Variants in COL6A2 observed in about 807,000 individuals in gnomAD.
COL6A2 encodes collagen alpha-2(VI) chain.
In COL6A2, 90 loss-of-function variants were observed where a neutral mutation model predicts 124.9. That is an observed-to-expected ratio of 0.72 (90% CI 0.61 to 0.86). The LOEUF is 0.86. Ranked by LOEUF, COL6A2 falls within the 40% of genes least tolerant of loss-of-function variation. The pLI, the probability that COL6A2 is intolerant of heterozygous loss-of-function variation, is 0.00. For synonymous variants in COL6A2, 793 were observed against 618.2 expected (o/e 1.28, Z -4.19); for missense variants, 1,607 against 1,502.5 (o/e 1.07, Z -1.15).
chr21:46,103,521 T>C (rs1379851449), intron 1 of COL6A2, among the ~76,000 whole-genome samples: 2 of 152,214 alleles, frequency 1.3e-5, no homozygotes, highest in Admixed American at 1.3e-4. Context: ...AGACCTGTCT[T>C]TTTTAATATA....
intron 22 of COL6A2, 79 bp from the exon 23 acceptor site, chr21:46,124,806 A>C: frequency 6.3e-7 from 1 of 1,598,142 alleles, no homozygotes; most frequent in Non-Finnish European, 8.6e-7. Flanking sequence ...GGACCCACGT[A>C]TCAGTGGGCA....
At position 46,128,629 on chromosome 21, in the gene COL6A2, G is replaced by T. The variant is rs528995969; in HGVS notation, c.2461+2088G>T. On this transcript the variant is annotated intron_variant, in intron 27 of 27. Transcript: ENST00000300527. ...AACCAGACGCAGCTGAAGGCAGTCAGGGCAGGGCGCAATCAGCGATAAGAG... is the reference window on the plus strand; with the variant it reads ...AACCAGACGCAGCTGAAGGCAGTCATGGCAGGGCGCAATCAGCGATAAGAG... Among the ~76,000 whole-genome samples the T allele has an allele frequency of 1.7e-4, 26 of 152,360 alleles. No homozygotes were observed. In the South Asian group the frequency reaches 5.0e-3, roughly 29 times the overall value.
At chr21:46,109,656 C>T (rs1207464957) in intron 1 of COL6A2, among the ~76,000 whole-genome samples, 2 of 152,318 alleles carry the variant, frequency 1.3e-5, no homozygotes, top group African/African-American at 4.8e-5. Context: ...GCCAAGTCAG[C>T]AGGGGGCTGG....
chr21:46,104,872 C>G (rs2078320970), intron 1 of COL6A2, among the ~76,000 whole-genome samples: 1 of 152,164 alleles, frequency 6.6e-6, no homozygotes, highest in South Asian at 2.1e-4. Flanking sequence ...GGCAGTGGGC[C>G]AATATATCCA....
rs113828929 is a variant in COL6A2 at position 46,126,238 on chromosome 21, G to C, written c.2422+1G>C. 6 of 1,598,592 alleles carry C rather than the reference G, an allele frequency of 3.8e-6. No individual in the cohort carries two copies. The highest frequency in any genetic ancestry group is 4.2e-6 in the Non-Finnish European group (5 of 1,178,718). On this transcript the variant is annotated splice_donor_variant, in intron 26 of 27. Coordinates refer to ENST00000300527, the MANE Select transcript of COL6A2 (RefSeq NM_001849.4). LOFTEE classifies it high-confidence loss of function. ...GACATGGAGGACGTCCTCTGCCCGGGTGAGCGTGTGGGCGCGGGGCAGTCG... is the reference window on the plus strand; with the variant it reads ...GACATGGAGGACGTCCTCTGCCCGGCTGAGCGTGTGGGCGCGGGGCAGTCG...
intron 27 of COL6A2, among the ~76,000 whole-genome samples, chr21:46,130,548 G>A (rs1368827230): frequency 6.6e-6 from 1 of 152,028 alleles, no homozygotes; most frequent in African/African-American, 2.4e-5. Context: ...CTCCACAGGA[G>A]GAGGAGAGCA....
At chr21:46,109,428 T>C (rs2078370873) in intron 1 of COL6A2, among the ~76,000 whole-genome samples, 1 of 152,204 alleles carries the variant, frequency 6.6e-6, no homozygotes, top group Non-Finnish European at 1.5e-5. Context: ...CTCTGGTCCG[T>C]AGGACGGGCA....
chr21:46,100,785 G>T (rs1337953853), intron 1 of COL6A2, among the ~76,000 whole-genome samples: 1 of 152,160 alleles, frequency 6.6e-6, no homozygotes, highest in Non-Finnish European at 1.5e-5. Context: ...CCTGCATTTT[G>T]TTTACCCATT....
chr21:46,115,866 T>C lies in COL6A2; in HGVS notation c.802-6T>C, dbSNP rs765176375. On this transcript the variant is annotated splice_region_variant and splice_polypyrimidine_tract_variant and intron_variant, in intron 5 of 27. Transcript: ENST00000300527. ...TGCCTCGATGTACTCTTTTCTCTGC[T>C]TTTAGGGTGCCAAGGGCAACATGGG... The C allele has an allele frequency of 6.2e-7, 1 of 1,612,734 alleles. No homozygotes were observed. The highest frequency in any genetic ancestry group is 8.5e-7 in the Non-Finnish European group (1 of 1,179,932).
intron 10 of COL6A2, among the ~76,000 whole-genome samples, chr21:46,117,149 C>T (rs912041666): frequency 2.6e-5 from 4 of 152,222 alleles, no homozygotes. Context: ...TGGGAACATC[C>T]TCTGTGCCCA....
chr21:46,110,469 A>G (rs976792961), intron 1 of COL6A2, among the ~76,000 whole-genome samples: 2 of 152,176 alleles, frequency 1.3e-5, no homozygotes, highest in Non-Finnish European at 2.9e-5. Context: ...TGTGAAACTC[A>G]CCCACAAACT....
rs746985808 is a variant in COL6A2 at position 46,124,779 on chromosome 21, G to A, written c.1734+66G>A. On this transcript the variant is annotated intron_variant, in intron 22 of 27. Transcript: ENST00000300527. ...CCAGGCCAACACACACCCAAGCCTC[G>A]TGGTTCTGCCCACGGTGGACCCACG... The A allele has an allele frequency of 8.0e-5, 128 of 1,602,812 alleles. 1 individual carries two copies. Among genetic ancestry groups the A allele is most frequent in the African/African-American group, 1.2e-4 (9 of 74,812 alleles).
Position 46,116,134 on chromosome 21 carries a change from C to T in COL6A2, c.900+81C>T. On this transcript the variant is annotated intron_variant, in intron 7 of 27. Coordinates refer to ENST00000300527, the MANE Select transcript of COL6A2 (RefSeq NM_001849.4). The surrounding 1 kb of genome is among the most constrained non-coding windows in gnomAD (Gnocchi z 4.6). The stretch of plus-strand genomic sequence containing the variant: ...CAGGCTCCCCCCAGCCCAGCCTCGG[C>T]CTCAGCCTCTACGACCCTCCCCCCA... The T allele has an allele frequency of 6.9e-7, 1 of 1,441,266 alleles. No individual in the cohort carries two copies. Among genetic ancestry groups the T allele is most frequent in the Non-Finnish European group, 9.5e-7 (1 of 1,047,954 alleles). 89.3% of individuals were successfully genotyped at this position (1,441,266 alleles called of 1,614,324 possible).
In COL6A2 at chr21:46,125,813, C is replaced by T. The variant is rs398123647; in HGVS notation, c.1998C>T (p.Ser666=). Residue 666 remains serine, a synonymous_variant, in exon 26 of 28, where the codon AGC becomes AGT. Transcript: ENST00000300527. The part of the protein sequence containing the change: ...TGTRVGVVQY[S]HEGTFEAIQL... ...CGCGTGTGGGCGTGGTGCAGTACAG[C>T]CACGAGGGCACCTTTGAGGCCATCC... The T allele has an allele frequency of 3.7e-6, 6 of 1,612,922 alleles. No homozygotes were observed.
intron 24 of COL6A2, 27 bp from the exon 25 acceptor site, chr21:46,125,438 C>T: frequency 6.2e-7 from 1 of 1,609,560 alleles, no homozygotes; most frequent in Non-Finnish European, 8.5e-7. Flanking sequence ...TCCCCGGTAC[C>T]CCCCGATGAC....
chr21:46,107,224 A>G (rs970900935), intron 1 of COL6A2, among the ~76,000 whole-genome samples: 5 of 152,142 alleles, frequency 3.3e-5, no homozygotes, highest in Admixed American at 6.5e-5. Context: ...AAGAAAATCA[A>G]TAACTTTTTG....
intron 21 of COL6A2, 83 bp from the exon 22 acceptor site, chr21:46,124,568 T>A (rs975510593): frequency 2.2e-5 from 29 of 1,308,546 alleles, no homozygotes; most frequent in Non-Finnish European, 3.2e-5. Flanking sequence ...GGACCCGTGG[T>A]TGGGGACAGC....
At chr21:46,117,249 C>T in intron 10 of COL6A2, 151 bp from the exon 11 acceptor site, 1 of 760,632 alleles carries the variant, frequency 1.3e-6, no homozygotes, top group Non-Finnish European at 2.2e-6. Flanking sequence ...GACAGCTCCA[C>T]AGCAGCCGTG....
chr21:46,120,435 C>CT, intron 15 of COL6A2, 80 bp from the exon 16 acceptor site: 1 of 1,207,548 alleles, frequency 8.3e-7, no homozygotes, highest in South Asian at 1.3e-5. Context: ...CCCCAACCCC[C>CT]GGCCACACCC....
Sources: gnomAD v4.1 joint callset for allele counts (sites outside exome capture counted in the v4.1 genomes callset) on GRCh38, gnomAD v4.1.1 for gene constraint, Gnocchi (gnomAD v3.1) non-coding constraint, MANE v1.5 for transcripts, NCBI Gene and HGNC (gene_info 2026-07-23, HGNC 2026-07-21) for gene names.